NOTCH3: variants seen among roughly 807,000 people sequenced by gnomAD.
NOTCH3 encodes the protein notch receptor 3, also known as neurogenic locus notch homolog protein 3.
A neutral mutation model predicts 213.3 loss-of-function variants in NOTCH3; 86 were observed. The ratio of observed to expected loss-of-function variants is 0.40; its 90% CI spans 0.34 to 0.48. NOTCH3 has a LOEUF of 0.48. Among genes scored for constraint, NOTCH3 ranks in the 20% least tolerant of loss-of-function variants. The pLI is 0.57. For synonymous variants in NOTCH3, 1,354 were observed against 1,355.9 expected, an observed-to-expected ratio of 1.00 and a Z score of 0.03; for missense variants, 2,783 against 3,272.6, an observed-to-expected ratio of 0.85 and a Z score of 3.65.
chr19:15,185,310 G>T lies in NOTCH3; in HGVS notation c.2243C>A (p.Thr748Lys). Reference protein sequence around the residue: ...CESQPCRAGGTCSSDGMGFHC... With the variant: ...CESQPCRAGGKCSSDGMGFHC... The stretch of plus-strand genomic sequence containing the variant: ...GAAACCCATTCCATCGCTGCTGCAT[G>T]TCCCACCGGCCCTGCACGGCTGGGA... Residue 748 changes from threonine to lysine, a missense_variant, in exon 14 of 33, where the codon ACA becomes AAA. Physicochemically the swap from Thr to Lys is moderately conservative, Grantham distance 78 (BLOSUM62 -1). Around this residue, in one of 6 missense-constraint regions of NOTCH3, gnomAD observed 861 missense variants for 909.1 expected, o/e 0.95. Coordinates refer to ENST00000263388, the MANE Select transcript of NOTCH3 (RefSeq NM_000435.3). This position sits in a 1 kb window ranked among gnomAD's most constrained non-coding sequence, Gnocchi z 4.2. The T allele has an allele frequency of 6.2e-7, 1 of 1,613,160 alleles. No homozygotes were observed. The highest frequency in any genetic ancestry group is 8.5e-7 in the Non-Finnish European group (1 of 1,179,998).
In NOTCH3 at chr19:15,160,107, G is replaced by A; in HGVS notation, c.*555C>T. ...GGGTGCCTACTTGGTACATACCTGGGTCGTGTACTCGGTACACGGGATCCC... is the reference window on the plus strand; with the variant it reads ...GGGTGCCTACTTGGTACATACCTGGATCGTGTACTCGGTACACGGGATCCC... On this transcript the variant is annotated 3_prime_UTR_variant, in exon 33 of 33. Transcript: ENST00000263388. 4.3e-6 allele frequency: 1 copy of A among 234,760 alleles called. No homozygotes were observed. Among genetic ancestry groups the A allele is most frequent in the East Asian group, 6.0e-5 (1 of 16,594 alleles). 14.5% of individuals were successfully genotyped at this position (234,760 alleles called of 1,614,324 possible).
chr19:15,200,414 A>G (rs541851383), intron 1 of NOTCH3, among the ~76,000 whole-genome samples: 1 of 151,722 alleles, frequency 6.6e-6, no homozygotes, highest in African/African-American at 2.4e-5. Flanking sequence ...TCCCCGGCCT[A>G]GAAGTACCTG....
rs749306013 is a variant in NOTCH3, at chr19:15,179,353, C to A, written c.3460+11G>T. 10 of 1,613,738 alleles carry A rather than the reference C, an allele frequency of 6.2e-6. No individual in the cohort carries two copies. Among genetic ancestry groups the A allele is most frequent in the East Asian group, 2.2e-5 (1 of 44,884 alleles). ...TCTCATCCTGTCCCCCCAACCCTGG[C>A]CCTGGCATACCCAGCGTTCCTGGGG... On this transcript the variant is annotated intron_variant, in intron 21 of 32. Coordinates refer to ENST00000263388, the MANE Select transcript of NOTCH3 (RefSeq NM_000435.3).
chr19:15,198,925 A>C (rs2046990036), intron 1 of NOTCH3, among the ~76,000 whole-genome samples: 1 of 151,484 alleles, frequency 6.6e-6, no homozygotes, highest in Non-Finnish European at 1.5e-5. Context: ...AAAAAGAGAG[A>C]GAGAAGGACA....
intron 28 of NOTCH3, among the ~76,000 whole-genome samples, chr19:15,169,182 A>ATC (rs2046709158): frequency 8.0e-6 from 1 of 125,420 alleles, no homozygotes; most frequent in Admixed American, 9.2e-5. Flanking sequence ...GGGATGTCAA[A>ATC]TCTGTCTCTC....
In NOTCH3 at chr19:15,178,947, C is replaced by A. The variant is rs377548417; in HGVS notation, c.3719-6G>T. The A allele has an allele frequency of 1.2e-6, 2 of 1,613,914 alleles. No homozygotes were observed. The highest frequency in any genetic ancestry group is 1.7e-6 in the Non-Finnish European group (2 of 1,179,982). ...GACAGTCTGACAGCGAGGACCTGAG[C>A]GAGCGGGAGCATGTAGATCAGCCAC... On this transcript the variant is annotated splice_region_variant and splice_polypyrimidine_tract_variant and intron_variant, in intron 22 of 32. Transcript: ENST00000263388.
chr19:15,182,231 G>C (rs2046847074), intron 16 of NOTCH3, among the ~76,000 whole-genome samples: 1 of 152,182 alleles, frequency 6.6e-6, no homozygotes, highest in African/African-American at 2.4e-5. Context: ...AATAGGCTGG[G>C]CGTGGTGGCA....
rs953132979 is a variant in NOTCH3 at position 15,187,930 on chromosome 19, G to A, written c.1557C>T (p.Gly519=). Residue 519 remains glycine (G), a synonymous_variant, in exon 10 of 33, where the codon GGC becomes GGT. Transcript: ENST00000263388. ...CATCGGGCTGGTCCACGCATTTGGCGCCATTCCTGCAGGGCGTGCTGGCGC... is the reference window on the plus strand; with the variant it reads ...CATCGGGCTGGTCCACGCATTTGGCACCATTCCTGCAGGGCGTGCTGGCGC... ...DECASTPCRN[G]AKCVDQPDGY... is the part of the protein sequence containing the mutation. The A allele has an allele frequency of 7.1e-6, 11 of 1,550,092 alleles. No homozygotes were observed. Among genetic ancestry groups the A allele is most frequent in the African/African-American group, 1.4e-5 (1 of 72,996 alleles).
chr19:15,161,194 C>G lies in NOTCH3; in HGVS notation c.6434G>C (p.Arg2145Pro). The change falls in exon 33 of 33, where the codon CGG becomes CCG. Residue 2145 changes from arginine (R) to proline (P), a missense_variant. Physicochemically the swap from Arg to Pro is moderately radical, Grantham distance 103 (BLOSUM62 -2). Around this residue, in one of 6 missense-constraint regions of NOTCH3, gnomAD observed 441 missense variants for 432.1 expected, o/e 1.02. Coordinates refer to ENST00000263388, the MANE Select transcript of NOTCH3 (RefSeq NM_000435.3). The stretch of plus-strand genomic sequence containing the variant: ...AGGGGGCTGGCGCCCTAGACCCGCC[C>G]GGCCTGGGCCACCAAGCTGTGCCAG... The part of the protein sequence containing the change: ...VSLAQLGGPG[R>P]AGLGRQPPGG... 1 of 1,540,746 alleles carries G rather than the reference C, an allele frequency of 6.5e-7. No individual in the cohort carries two copies.
At chr19:15,166,850 C>G (rs1382508174) in intron 29 of NOTCH3, among the ~76,000 whole-genome samples, 1 of 152,222 alleles carries the variant, frequency 6.6e-6, no homozygotes, top group Admixed American at 6.5e-5. Context: ...GTATGTGAAT[C>G]AGGCTTGGTC....
intron 6 of NOTCH3, 61 bp downstream of exon 6, chr19:15,191,363 C>G (rs1460318899): frequency 7.1e-7 from 1 of 1,402,254 alleles, no homozygotes; most frequent in East Asian, 2.3e-5. Flanking sequence ...TCAAGTCAGA[C>G]TTCTTATTTG....
chr19:15,166,712 G>A (rs1377246799), intron 29 of NOTCH3, among the ~76,000 whole-genome samples: 1 of 152,212 alleles, frequency 6.6e-6, no homozygotes, highest in Non-Finnish European at 1.5e-5. Context: ...TGCACACACT[G>A]TACACAAGCA....
At chr19:15,190,323 T>G (rs2145438404) in intron 6 of NOTCH3, among the ~76,000 whole-genome samples, 1 of 152,344 alleles carries the variant, frequency 6.6e-6, no homozygotes, top group African/African-American at 2.4e-5. Flanking sequence ...TTTTAAAACC[T>G]TTTGACTCTT....
chr19:15,187,938 T>C lies in NOTCH3; in HGVS notation c.1549A>G (p.Arg517Gly), dbSNP rs2088310755. Reference protein sequence around the residue: ...DVDECASTPCRNGAKCVDQPD... With the variant: ...DVDECASTPCGNGAKCVDQPD... Reference sequence around the variant, plus strand: ...TGGTCCACGCATTTGGCGCCATTCCTGCAGGGCGTGCTGGCGCATTCGTCC... The same window carrying C: ...TGGTCCACGCATTTGGCGCCATTCCCGCAGGGCGTGCTGGCGCATTCGTCC... Residue 517 changes from arginine to glycine, a missense_variant, in exon 10 of 33, where the codon AGG (arginine) becomes GGG (glycine). Around this residue, in one of 6 missense-constraint regions of NOTCH3, gnomAD observed 708 missense variants for 906.6 expected, o/e 0.78. Coordinates refer to ENST00000263388, the MANE Select transcript of NOTCH3 (RefSeq NM_000435.3). 9.0e-6 allele frequency: 14 copies of C among 1,550,288 alleles called. No individual in the cohort carries two copies. The highest frequency in any genetic ancestry group is 1.4e-5 in the African/African-American group (1 of 73,020).
intron 31 of NOTCH3, among the ~76,000 whole-genome samples, chr19:15,164,566 A>C (rs2046670850): frequency 2.0e-5 from 3 of 150,628 alleles, no homozygotes; most frequent in South Asian, 2.1e-4. Flanking sequence ...AAAAAAGGGC[A>C]ACATAAGGAG....
Position 15,180,405 on chromosome 19 carries a change from G to A in NOTCH3, c.3143-149C>T, listed in dbSNP as rs2046829604. The A allele has an allele frequency of 4.2e-6, 4 of 959,060 alleles. No homozygotes were observed. In the East Asian group the frequency reaches 7.8e-5, roughly 19 times the overall value. The allele number at this position is 959,060 out of a possible 1,614,324, so 59.4% of individuals were successfully genotyped here. A position where few individuals can be genotyped will look rare whatever the true frequency, so the allele number is the denominator to read the frequency against. On this transcript the variant is annotated intron_variant, in intron 19 of 32. Coordinates refer to ENST00000263388, the MANE Select transcript of NOTCH3 (RefSeq NM_000435.3). ...AGGTTGTCACACATCCCCCCAGCAG[G>A]CAAGGTCTCATCACTGACATACACA... is the stretch of plus-strand genomic sequence containing the variant.
rs1031146760 is a variant in NOTCH3 at position 15,185,907 on chromosome 19, T to C, written c.1952-228A>G. 1.4e-5 allele frequency among the ~76,000 whole-genome samples: 2 copies of C among 143,570 alleles called. No homozygotes were observed. Among genetic ancestry groups the C allele is most frequent in the African/African-American group, 4.9e-5 (2 of 40,704 alleles). 94.2% of individuals were successfully genotyped at this position (143,570 alleles called of 152,430 possible). A position where few individuals can be genotyped will look rare whatever the true frequency, so the allele number is the denominator to read the frequency against. ...ATGAAGTCCCTTTCTTTTTCTTTTC[T>C]TCTTCTTCTTATTTTTTGAGATGGG... is the stretch of plus-strand genomic sequence containing the variant. On this transcript the variant is annotated intron_variant, in intron 12 of 32. Transcript: ENST00000263388. The surrounding 1 kb of genome is among the most constrained non-coding windows in gnomAD (Gnocchi z 4.2).
In NOTCH3 at chr19:15,191,759, G is replaced by A. The variant is rs1457907476; in HGVS notation, c.788C>T (p.Pro263Leu). The A allele has an allele frequency of 1.2e-6, 2 of 1,613,792 alleles. No individual in the cohort carries two copies. Among genetic ancestry groups the A allele is most frequent in the African/African-American group, 2.7e-5 (2 of 74,944 alleles). The change falls in exon 5 of 33, where the codon CCT becomes CTT. Residue 263 changes from proline to leucine, a missense_variant. Around this residue, in one of 6 missense-constraint regions of NOTCH3, gnomAD observed 708 missense variants for 906.6 expected, o/e 0.78. Coordinates refer to ENST00000263388, the MANE Select transcript of NOTCH3 (RefSeq NM_000435.3). ...GCAGTGCCCACCTGTCCACTCAGGA[G>A]GGCACTGGCAGTTATAGGTGTTGAC... Reference protein sequence around the residue: ...DGVNTYNCQCPPEWTGQFCTE... With the variant: ...DGVNTYNCQCLPEWTGQFCTE...
At position 15,185,037 on chromosome 19, in the gene NOTCH3, G is replaced by C. The variant is rs1286818381; in HGVS notation, c.2297-18C>G. 1 of 1,383,524 alleles carries C rather than the reference G, an allele frequency of 7.2e-7. No homozygotes were observed. Among genetic ancestry groups the C allele is most frequent in the Non-Finnish European group, 9.9e-7 (1 of 1,009,818 alleles). 85.7% of individuals were successfully genotyped at this position (1,383,524 alleles called of 1,614,324 possible). ...CTGACGTCCTGTTGGGGGTGGAAGA[G>C]AGGGAAGCAGAGATAGCCTTGAGGG... is the stretch of plus-strand genomic sequence containing the variant. On this transcript the variant is annotated intron_variant, in intron 14 of 32. Coordinates refer to ENST00000263388, the MANE Select transcript of NOTCH3 (RefSeq NM_000435.3). The surrounding 1 kb of genome is among the most constrained non-coding windows in gnomAD (Gnocchi z 4.2).
Sources: gnomAD v4.1 joint callset for allele counts (sites outside exome capture counted in the v4.1 genomes callset) on GRCh38, gnomAD v4.1.1 for gene constraint, gnomAD v4.1.1 regional missense constraint, Gnocchi (gnomAD v3.1) non-coding constraint, MANE v1.5 for transcripts, NCBI Gene and HGNC (gene_info 2026-07-23, HGNC 2026-07-21) for gene names.